The following GUCY2F variants were observed in gnomAD, a reference collection of about 807,000 sequenced individuals.
GUCY2F encodes the protein retinal guanylyl cyclase 2.
In GUCY2F, 61 loss-of-function variants were observed where a neutral mutation model predicts 73.1. That is an observed-to-expected ratio of 0.83 (90% CI 0.68 to 1.03). The LOEUF (loss-of-function observed/expected upper bound fraction) is 1.03, where lower values mean the gene tolerates loss of function less well. GUCY2F is among the 50% of genes least tolerant of loss of function. The probability of loss-of-function intolerance (pLI) is 0.00; values close to 1 mark genes in which losing one functional copy is unlikely to be tolerated. For synonymous variants in GUCY2F, 331 were observed against 307.8 expected (o/e 1.08, Z -0.79); for missense variants, 912 against 854.3 (o/e 1.07, Z -0.84).
rs765244990 is a variant in GUCY2F at position 109,435,706 on chromosome X, A to G, written c.1702-5310T>C. ...AGAGAGGGCATCCCTGTCTTGTGCC[A>G]GTTTTCAAAGCCAATGCTTCCAGTT... On this transcript the variant is annotated intron_variant, in intron 7 of 19. Coordinates refer to ENST00000218006, the MANE Select transcript of GUCY2F (RefSeq NM_001522.3). Among the ~76,000 whole-genome samples, 86 of 111,328 alleles carry G rather than the reference A, an allele frequency of 7.7e-4. 3 individuals are homozygous for G. In the South Asian group the frequency reaches 0.033, roughly 43 times the overall value.
chrX:109,377,366 A>G (rs1253374544), intron 17 of GUCY2F, among the ~76,000 whole-genome samples: 1 of 111,572 alleles, frequency 9.0e-6, no homozygotes, highest in Non-Finnish European at 1.9e-5. Flanking sequence ...ACTTGAAAAT[A>G]TATTCCATCA....
At chrX:109,421,290 G>T (rs995467121) in intron 8 of GUCY2F, among the ~76,000 whole-genome samples, 1 of 111,513 alleles carries the variant, frequency 9.0e-6, no homozygotes, top group African/African-American at 3.2e-5. Context: ...GTCTCAAAGC[G>T]GTATTTCTAC....
chrX:109,426,489 C>T (rs1931489971), intron 8 of GUCY2F, among the ~76,000 whole-genome samples: 1 of 112,093 alleles, frequency 8.9e-6, no homozygotes, highest in Admixed American at 9.4e-5. Context: ...CCCGGGTTCA[C>T]GCCATTCTCC....
intron 6 of GUCY2F, among the ~76,000 whole-genome samples, chrX:109,446,573 T>G (rs1319827531): frequency 9.0e-6 from 1 of 110,908 alleles, no homozygotes; most frequent in Non-Finnish European, 1.9e-5. Flanking sequence ...GCTAGCCATA[T>G]GTAGAAAGCT....
intron 4 of GUCY2F, among the ~76,000 whole-genome samples, chrX:109,452,843 C>A (rs1438088989): frequency 1.8e-5 from 2 of 111,515 alleles, no homozygotes; most frequent in African/African-American, 6.5e-5. Flanking sequence ...CAAAGTTTCC[C>A]CTCTTCCACA....
chrX:109,445,835 T>C (rs1158733718), intron 6 of GUCY2F, among the ~76,000 whole-genome samples: 4 of 111,819 alleles, frequency 3.6e-5, no homozygotes, highest in African/African-American at 1.3e-4. Flanking sequence ...AGTCAAATTG[T>C]GCCTGTTTGC....
rs151274806 is a variant in GUCY2F at position 109,381,637 on chromosome X, G to A, written c.3150+481C>T. Among the ~76,000 whole-genome samples, 899 of 112,104 alleles carry A rather than the reference G, an allele frequency of 8.0e-3. 9 individuals are homozygous for A. Among genetic ancestry groups the A allele is most frequent in the African/African-American group, 0.028 (864 of 30,893 alleles). ...CATAGAAACTGACTTTGTTCCTCCT[G>A]GTTTCTTAGGGAAAGAAAAAGTCTC... On this transcript the variant is annotated intron_variant, in intron 17 of 19. Transcript: ENST00000218006.
intron 8 of GUCY2F, among the ~76,000 whole-genome samples, chrX:109,414,673 G>A (rs1021359424): frequency 8.9e-6 from 1 of 112,211 alleles, no homozygotes; most frequent in African/African-American, 3.2e-5. Flanking sequence ...TACATAATGT[G>A]AGTATGTATA....
chrX:109,459,419 G>T, intron 3 of GUCY2F, among the ~76,000 whole-genome samples: 1 of 111,262 alleles, frequency 9.0e-6, no homozygotes, highest in East Asian at 2.8e-4. Context: ...AGGGCTCTTT[G>T]AATGTCTGTG....
intron 3 of GUCY2F, among the ~76,000 whole-genome samples, chrX:109,455,502 T>C (rs1263429086): frequency 1.8e-5 from 2 of 111,967 alleles, no homozygotes; most frequent in Non-Finnish European, 1.9e-5. Context: ...TGTTTCTTAG[T>C]TTAGCATTCT....
chrX:109,474,932 G>A (rs1190476843), intron 2 of GUCY2F, among the ~76,000 whole-genome samples: 1 of 112,199 alleles, frequency 8.9e-6, no homozygotes, highest in Non-Finnish European at 1.9e-5. Flanking sequence ...TGGCTACAGT[G>A]CTCTTGACAC....
intron 3 of GUCY2F, among the ~76,000 whole-genome samples, chrX:109,455,687 C>T (rs1018807363): frequency 2.8e-4 from 31 of 111,235 alleles, no homozygotes; most frequent in Middle Eastern, 4.6e-3. Flanking sequence ...ACAGCTCAGT[C>T]CTTGGTCCTC....
chrX:109,384,315 C>T (rs1378266810), intron 16 of GUCY2F, among the ~76,000 whole-genome samples: 5 of 112,122 alleles, frequency 4.5e-5, no homozygotes, highest in Non-Finnish European at 9.4e-5. Context: ...GTGGTTTCTT[C>T]CCTTTTTTGG....
intron 1 of GUCY2F, among the ~76,000 whole-genome samples, chrX:109,481,109 A>AAGGGG (rs1932763371): frequency 3.0e-5 from 1 of 33,844 alleles, no homozygotes; most frequent in African/African-American, 1.1e-4. Flanking sequence ...GAAGGAAGGG[A>AAGGGG]GGGAGGGAGG....
chrX:109,468,693 G>T (rs1206893966), intron 2 of GUCY2F, among the ~76,000 whole-genome samples: 1 of 111,594 alleles, frequency 9.0e-6, no homozygotes, highest in Non-Finnish European at 1.9e-5. Flanking sequence ...GACCAAGTAG[G>T]CCAACCTGTC....
intron 11 of GUCY2F, among the ~76,000 whole-genome samples, chrX:109,395,718 A>AT (rs1297293220): frequency 8.9e-6 from 1 of 111,878 alleles, no homozygotes; most frequent in Non-Finnish European, 1.9e-5. Flanking sequence ...TCTTGGTATC[A>AT]TTTAGGCACT....
chrX:109,476,098 C>CAAA lies in GUCY2F; in HGVS notation c.-85-80_-85-78dup, dbSNP rs35170259. 1,239 of 280,875 alleles carry CAAA rather than the reference C, an allele frequency of 4.4e-3. 8 individuals are homozygous for CAAA. The highest frequency in any genetic ancestry group is 0.027 in the African/African-American group (827 of 30,255). 23.1% of individuals were successfully genotyped at this position (280,875 alleles called of 1,213,427 possible). A position where few individuals can be genotyped will look rare whatever the true frequency, so the allele number is the denominator to read the frequency against. ...GAAATCATCGGTTGTGAAAGAATGG[C>CAAA]AAAAAAAAAAAAAAAATGGCAGTGC... On this transcript the variant is annotated intron_variant, in intron 1 of 19. Coordinates refer to ENST00000218006, the MANE Select transcript of GUCY2F (RefSeq NM_001522.3).
intron 7 of GUCY2F, among the ~76,000 whole-genome samples, chrX:109,435,976 A>G (rs1253407939): frequency 9.0e-6 from 1 of 111,102 alleles, no homozygotes; most frequent in Non-Finnish European, 1.9e-5. Context: ...CAGGGATGAA[A>G]CCCACTTGAT....
At chrX:109,399,730 G>A (rs1419286844) in intron 10 of GUCY2F, among the ~76,000 whole-genome samples, 1 of 110,837 alleles carries the variant, frequency 9.0e-6, no homozygotes, top group Non-Finnish European at 1.9e-5. Flanking sequence ...AAGACTTCCT[G>A]GAAAAGTTAA....
Sources: allele counts gnomAD v4.1 joint callset (sites outside exome capture counted in the v4.1 genomes callset), GRCh38; gene constraint gnomAD v4.1.1; transcripts MANE v1.5; gene names NCBI Gene and HGNC (gene_info 2026-07-23, HGNC 2026-07-21).